Variants in PTPRT observed in about 807,000 individuals in gnomAD.
PTPRT encodes receptor-type tyrosine-protein phosphatase T.
Under a neutral mutation model 176.8 loss-of-function variants are expected in PTPRT, and 56 were observed. That is an observed-to-expected ratio of 0.32 (90% CI 0.26 to 0.40). PTPRT has a LOEUF of 0.40. PTPRT is among the 10% of genes least tolerant of loss of function. The probability of loss-of-function intolerance (pLI) is 1.00; values close to 1 mark genes in which losing one functional copy is unlikely to be tolerated. For missense variants in PTPRT, 1,540 were observed against 1,908.2 expected (o/e 0.81, Z 3.60); for synonymous variants, 783 against 739.0 (o/e 1.06, Z -0.96).
At chr20:42,313,956 G>T (rs1018160190) in intron 12 of PTPRT, among the ~76,000 whole-genome samples, 1 of 152,066 alleles carries the variant, frequency 6.6e-6, no homozygotes, top group Non-Finnish European at 1.5e-5. Flanking sequence ...TCCTCAATCC[G>T]GGTTTCTCAC....
intron 1 of PTPRT, among the ~76,000 whole-genome samples, chr20:42,990,579 T>C (rs953176513): frequency 6.6e-6 from 1 of 152,174 alleles, no homozygotes; most frequent in Non-Finnish European, 1.5e-5. Flanking sequence ...TATCTCTCAC[T>C]GACACTCTCA....
At chr20:42,964,737 A>G (rs558348295) in intron 1 of PTPRT, among the ~76,000 whole-genome samples, 33 of 152,328 alleles carry the variant, frequency 2.2e-4, no homozygotes, top group Non-Finnish European at 4.4e-4. Flanking sequence ...AAATAACAAT[A>G]AGGCCACAAA....
At chr20:43,037,713 T>C (rs1182927071) in intron 1 of PTPRT, among the ~76,000 whole-genome samples, 1 of 152,116 alleles carries the variant, frequency 6.6e-6, no homozygotes. Flanking sequence ...CACACTCCCC[T>C]CTCTTCCACA....
At chr20:42,629,940 C>T (rs1334543791) in intron 7 of PTPRT, among the ~76,000 whole-genome samples, 1 of 152,204 alleles carries the variant, frequency 6.6e-6, no homozygotes. Flanking sequence ...GTGATTTCTA[C>T]TGCCGGGTGT....
Position 42,080,977 on chromosome 20 carries a change from C to G in PTPRT, c.4273-45G>C, listed in dbSNP as rs371705376. The G allele has an allele frequency of 2.7e-6, 4 of 1,467,588 alleles. No homozygotes were observed. The South Asian group carries it at 4.6e-5, about 17-fold the overall frequency. 90.9% of individuals were successfully genotyped at this position (1,467,588 alleles called of 1,614,324 possible). On this transcript the variant is annotated intron_variant, in intron 30 of 30. Transcript: ENST00000373187. ...AGAGGCAGAGAGGGAGAAGAGGAGACGAGAGAGATGAAAAAGGAAAGGGAA... is the reference window on the plus strand; with the variant it reads ...AGAGGCAGAGAGGGAGAAGAGGAGAGGAGAGAGATGAAAAAGGAAAGGGAA...
the PTPRT span, among the ~76,000 whole-genome samples, chr20:42,043,154 G>A: frequency 6.6e-6 from 1 of 152,194 alleles, no homozygotes; most frequent in East Asian, 1.9e-4. Context: ...CCTGGGGAAT[G>A]TACAAAACAT....
At chr20:42,790,405 ATT>A (rs11475849) in intron 3 of PTPRT, among the ~76,000 whole-genome samples, 20 of 147,644 alleles carry the variant, frequency 1.4e-4, no homozygotes, top group African/African-American at 5.0e-4. Context: ...CATTGCCATG[ATT>A]TTTTTTTTTT....
chr20:42,513,239 T>C (rs183226832), intron 7 of PTPRT, among the ~76,000 whole-genome samples: 154 of 150,420 alleles, frequency 1.0e-3, no homozygotes, highest in African/African-American at 3.3e-3. Context: ...TGTGTGTGTG[T>C]TTTCCAGGTG....
chr20:42,044,032 A>G, the PTPRT span, among the ~76,000 whole-genome samples: 3 of 152,222 alleles, frequency 2.0e-5, no homozygotes, highest in African/African-American at 7.2e-5. Flanking sequence ...TGAGACCAGC[A>G]TGCCAGAGCT....
At chr20:42,262,223 T>C (rs1334065435) in intron 13 of PTPRT, among the ~76,000 whole-genome samples, 1 of 152,116 alleles carries the variant, frequency 6.6e-6, no homozygotes, top group South Asian at 2.1e-4. Flanking sequence ...GCTGATCTGT[T>C]CCCCTCCCCA....
chr20:42,386,632 GCAGGTGGATCA>G (rs1483825247), intron 9 of PTPRT, among the ~76,000 whole-genome samples: 1 of 152,194 alleles, frequency 6.6e-6, no homozygotes, highest in African/African-American at 2.4e-5. Context: ...GGAGGCTGAG[GCAGGTGGATCA>G]CGAGGTCGTG....
chr20:42,319,311 G>A (rs1421427043), intron 11 of PTPRT, among the ~76,000 whole-genome samples: 2 of 147,100 alleles, frequency 1.4e-5, no homozygotes, highest in African/African-American at 5.1e-5. Context: ...CCAATAAAAC[G>A]TATAAAGGGG....
intron 16 of PTPRT, among the ~76,000 whole-genome samples, chr20:42,184,218 G>T (rs978785011): frequency 1.3e-5 from 2 of 152,162 alleles, no homozygotes; most frequent in African/African-American, 4.8e-5. Context: ...CTGGCCCAAA[G>T]AATTAGAAGC....
the PTPRT span, among the ~76,000 whole-genome samples, chr20:42,043,649 T>C: frequency 5.3e-5 from 8 of 152,310 alleles, no homozygotes; most frequent in East Asian, 1.5e-3. Context: ...GCTGTGGACA[T>C]GGAACATGAG....
intron 1 of PTPRT, among the ~76,000 whole-genome samples, chr20:43,153,027 T>C (rs1600753246): frequency 1.3e-5 from 2 of 152,186 alleles, no homozygotes; most frequent in African/African-American, 4.8e-5. Context: ...CAAGAAAATT[T>C]AGGGTAACAC....
intron 11 of PTPRT, among the ~76,000 whole-genome samples, chr20:42,347,274 A>T (rs1010292624): frequency 2.0e-5 from 3 of 152,224 alleles, no homozygotes; most frequent in Non-Finnish European, 4.4e-5. Context: ...TATTCGAAGC[A>T]TCCTTAACCC....
intron 6 of PTPRT, among the ~76,000 whole-genome samples, chr20:42,694,978 C>T (rs1410731956): frequency 3.9e-5 from 6 of 152,168 alleles, no homozygotes; most frequent in African/African-American, 1.4e-4. Context: ...AAAGATCATG[C>T]ATGGCCAGGC....
chr20:42,320,420 A>C (rs1261841141), intron 11 of PTPRT, among the ~76,000 whole-genome samples: 2 of 152,152 alleles, frequency 1.3e-5, no homozygotes, highest in African/African-American at 4.8e-5. Context: ...ATATCTAGAA[A>C]AGTTTCTAGC....
chr20:42,109,490 C>T (rs138219001), intron 23 of PTPRT, among the ~76,000 whole-genome samples: 1 of 152,218 alleles, frequency 6.6e-6, no homozygotes, highest in African/African-American at 2.4e-5. Context: ...AATATCTCTT[C>T]TTCATAATAA....
Sources: allele counts gnomAD v4.1 joint callset (sites outside exome capture counted in the v4.1 genomes callset), GRCh38; gene constraint gnomAD v4.1.1; transcripts MANE v1.5; gene names NCBI Gene and HGNC (gene_info 2026-07-23, HGNC 2026-07-21).